The following NCOA3 variants were observed in gnomAD, a reference collection of about 807,000 sequenced individuals.
The protein encoded by NCOA3 is CBP-interacting protein.
A neutral mutation model predicts 158.8 loss-of-function variants in NCOA3; 51 were observed. That is an observed-to-expected ratio of 0.32 (90% CI 0.26 to 0.41). The LOEUF is 0.41. Ranked by LOEUF, NCOA3 falls within the 10% of genes least tolerant of loss-of-function variation. NCOA3 has a pLI of 1.00. For missense variants in NCOA3, 1,510 were observed against 1,746.6 expected (o/e 0.86, Z 2.41); for synonymous variants, 537 against 592.4 (o/e 0.91, Z 1.36).
At chr20:47,635,755 G>T (rs1321697116) in intron 11 of NCOA3, 42 bp downstream of exon 11, 1 of 1,550,842 alleles carries the variant, frequency 6.4e-7, no homozygotes, top group East Asian at 2.2e-5. Flanking sequence ...TTCTTTTTAA[G>T]TAATTATTCT....
chr20:47,518,217 G>T (rs565427821), intron 1 of NCOA3, among the ~76,000 whole-genome samples: 1 of 151,680 alleles, frequency 6.6e-6, no homozygotes, highest in South Asian at 2.1e-4. Flanking sequence ...ATGGTGGTGC[G>T]CACCTGTAAT....
chr20:47,600,926 A>G (rs958162954), intron 2 of NCOA3, among the ~76,000 whole-genome samples: 1 of 152,154 alleles, frequency 6.6e-6, no homozygotes, highest in Non-Finnish European at 1.5e-5. Context: ...GTCACATACT[A>G]TACAGGGGAT....
chr20:47,640,717 T>TAA (rs1239786327), intron 16 of NCOA3, among the ~76,000 whole-genome samples: 38 of 107,884 alleles, frequency 3.5e-4, no homozygotes, highest in African/African-American at 8.8e-4. Flanking sequence ...CTGTCTCTAC[T>TAA]AAAAAAAAAA....
intron 2 of NCOA3, among the ~76,000 whole-genome samples, chr20:47,607,854 G>T (rs1230900500): frequency 6.6e-6 from 1 of 152,102 alleles, no homozygotes; most frequent in Non-Finnish European, 1.5e-5. Context: ...CTTAAATCAA[G>T]ATAACATTGC....
At chr20:47,637,585 G>T in intron 12 of NCOA3, 63 bp from the exon 13 acceptor site, 1 of 1,270,968 alleles carries the variant, frequency 7.9e-7, no homozygotes, top group Non-Finnish European at 1.1e-6. Flanking sequence ...TTTTCTGATG[G>T]GTATGTTTAT....
intron 1 of NCOA3, among the ~76,000 whole-genome samples, chr20:47,507,521 G>T (rs900804536): frequency 1.8e-4 from 27 of 152,110 alleles, no homozygotes; most frequent in African/African-American, 6.5e-4. Flanking sequence ...AGGTTTGCAG[G>T]TGACTGGTGC....
At chr20:47,587,256 G>A (rs943270323) in intron 2 of NCOA3, among the ~76,000 whole-genome samples, 1 of 152,106 alleles carries the variant, frequency 6.6e-6, no homozygotes, top group Non-Finnish European at 1.5e-5. Flanking sequence ...TGCTCAAATT[G>A]TCCTAGAAGT....
rs145588786 is a variant in NCOA3 at position 47,607,900 on chromosome 20, A to G, written c.-19-14329A>G. Reference sequence around the variant, plus strand: ...ATGCAGAAGTAAATAACTGTTTTCTATTAAGTCAGGTAATTATATGCAAAT... The same window carrying G: ...ATGCAGAAGTAAATAACTGTTTTCTGTTAAGTCAGGTAATTATATGCAAAT... On this transcript the variant is annotated intron_variant, in intron 2 of 22. Coordinates refer to ENST00000371998, the MANE Select transcript of NCOA3 (RefSeq NM_181659.3). 2.8e-3 allele frequency among the ~76,000 whole-genome samples: 420 copies of G among 152,360 alleles called. 3 individuals carry two copies. Among genetic ancestry groups the G allele is most frequent in the African/African-American group, 9.8e-3 (406 of 41,584 alleles).
At chr20:47,592,962 T>G (rs2146242497) in intron 2 of NCOA3, among the ~76,000 whole-genome samples, 1 of 152,316 alleles carries the variant, frequency 6.6e-6, no homozygotes, top group South Asian at 2.1e-4. Context: ...AGACAGAGTT[T>G]TGCTCTTGTT....
chr20:47,511,542 T>TACACACAC lies in NCOA3; in HGVS notation c.-99+9524_-99+9525insCACACACA, dbSNP rs1556556419. Among the ~76,000 whole-genome samples, 12 of 22,420 alleles carry TACACACAC rather than the reference T, an allele frequency of 5.4e-4. No homozygotes were observed. The South Asian group carries it at 6.8e-3, about 13-fold the overall frequency. The allele number at this position is 22,420 out of a possible 152,430, so 14.7% of individuals were successfully genotyped here. A position where few individuals can be genotyped will look rare whatever the true frequency, so the allele number is the denominator to read the frequency against. On this transcript the variant is annotated intron_variant, in intron 1 of 22. Transcript: ENST00000371998. The stretch of plus-strand genomic sequence containing the variant: ...CTCTCGAGATATATATATATATATA[T>TACACACAC]ATATATATATATATTTCTTTTTTTT...
chr20:47,562,379 C>T (rs1199953881), intron 1 of NCOA3, among the ~76,000 whole-genome samples: 1 of 152,224 alleles, frequency 6.6e-6, no homozygotes, highest in Non-Finnish European at 1.5e-5. Flanking sequence ...ATTCCTGTTG[C>T]TTCACATACT....
chr20:47,564,671 T>C (rs2085163747), intron 1 of NCOA3, among the ~76,000 whole-genome samples: 1 of 152,216 alleles, frequency 6.6e-6, no homozygotes, highest in Admixed American at 6.5e-5. Flanking sequence ...TTTCTAGCCA[T>C]GGACTTGTTG....
At chr20:47,534,237 C>A (rs888637427) in intron 1 of NCOA3, among the ~76,000 whole-genome samples, 1 of 150,434 alleles carries the variant, frequency 6.6e-6, no homozygotes, top group African/African-American at 2.5e-5. Flanking sequence ...TTATTGTGTC[C>A]TTCCTGTCCA....
intron 1 of NCOA3, among the ~76,000 whole-genome samples, chr20:47,565,072 C>T (rs895022701): frequency 6.6e-6 from 1 of 152,134 alleles, no homozygotes; most frequent in East Asian, 1.9e-4. Context: ...ACCTCTGCCT[C>T]GTGGGTTCAA....
At chr20:47,642,770 CTTGT>C (rs952509573) in intron 17 of NCOA3, among the ~76,000 whole-genome samples, 3 of 151,642 alleles carry the variant, frequency 2.0e-5, no homozygotes, top group African/African-American at 7.3e-5. Flanking sequence ...TTTTTTTTTG[CTTGT>C]TTGTTTAAAC....
chr20:47,529,056 T>G (rs886938051), intron 1 of NCOA3, among the ~76,000 whole-genome samples: 1 of 149,506 alleles, frequency 6.7e-6, no homozygotes, highest in Non-Finnish European at 1.5e-5. Context: ...CGTGAGCCAC[T>G]GTGCCTGGCT....
At chr20:47,597,528 G>A (rs1293237275) in intron 2 of NCOA3, among the ~76,000 whole-genome samples, 2 of 146,558 alleles carry the variant, frequency 1.4e-5, no homozygotes, top group Non-Finnish European at 3.0e-5. Context: ...TCGCTCTGTC[G>A]CCTAGGCTGG....
chr20:47,514,915 CT>C (rs2084207674), intron 1 of NCOA3, among the ~76,000 whole-genome samples: 1 of 151,448 alleles, frequency 6.6e-6, no homozygotes, highest in Admixed American at 6.6e-5. Context: ...GAACTCGTGA[CT>C]TTAGGTGATG....
In NCOA3 at chr20:47,639,191, G is replaced by C. The variant is rs532495734; in HGVS notation, c.2696G>C (p.Gly899Ala). 6 of 1,613,060 alleles carry C rather than the reference G, an allele frequency of 3.7e-6. No individual in the cohort carries two copies. The African/African-American group carries it at 8.0e-5, about 22-fold the overall frequency. ...PRMMDSQENY[G>A]SSMGGPNRNV... ...ATGATGGATAGTCAGGAAAATTATG[G>C]CTCAAGTATGGGTACGTTATTTCTA... Residue 899 changes from glycine (G) to alanine (A), a missense_variant, in exon 14 of 23, where the codon GGC becomes GCC. Around this residue, in one of 4 missense-constraint regions of NCOA3, gnomAD observed 1,017 missense variants for 1,098.3 expected, o/e 0.93. Coordinates refer to ENST00000371998, the MANE Select transcript of NCOA3 (RefSeq NM_181659.3).
Sources: gnomAD v4.1 joint callset for allele counts (sites outside exome capture counted in the v4.1 genomes callset) on GRCh38, gnomAD v4.1.1 for gene constraint, gnomAD v4.1.1 regional missense constraint, MANE v1.5 for transcripts, NCBI Gene and HGNC (gene_info 2026-07-23, HGNC 2026-07-21) for gene names.